PKN2: variants seen among roughly 807,000 people sequenced by gnomAD.
PKN2 encodes serine/threonine-protein kinase N2.
PKN2 carries 38 observed loss-of-function variants against 119.1 expected under a neutral mutation model. The observed-to-expected ratio is 0.32, with a 90% confidence interval of 0.25 to 0.42. The LOEUF is 0.42. PKN2 is among the 10% of genes least tolerant of loss of function. PKN2 has a pLI of 1.00. For missense variants in PKN2, 850 were observed against 1,165.1 expected (o/e 0.73, Z 3.94); for synonymous variants, 390 against 384.9 (o/e 1.01, Z -0.15).
chr1:88,731,486 G>A (rs1037809521), intron 1 of PKN2, among the ~76,000 whole-genome samples: 5 of 152,140 alleles, frequency 3.3e-5, no homozygotes, highest in Non-Finnish European at 5.9e-5. Context: ...AAATAAAAAC[G>A]CAATTTACCA....
intron 2 of PKN2, among the ~76,000 whole-genome samples, chr1:88,758,952 G>A (rs564446684): frequency 6.4e-4 from 97 of 152,254 alleles, no homozygotes; most frequent in Middle Eastern, 3.4e-3. Context: ...TGGTCTTTGC[G>A]GAATCTCCAC....
chr1:88,795,787 A>C (rs764521057), intron 8 of PKN2, among the ~76,000 whole-genome samples: 1 of 152,184 alleles, frequency 6.6e-6, no homozygotes, highest in Non-Finnish European at 1.5e-5. Flanking sequence ...TTTCTAGTCT[A>C]TCCTTTTGGC....
chr1:88,698,447 A>G (rs1278556298), intron 1 of PKN2, among the ~76,000 whole-genome samples: 1 of 152,250 alleles, frequency 6.6e-6, no homozygotes, highest in Non-Finnish European at 1.5e-5. Flanking sequence ...CTTTGATAAA[A>G]GCTAGCACAT....
At chr1:88,776,107 C>CA (rs61540217) in intron 6 of PKN2, among the ~76,000 whole-genome samples, 8,931 of 93,484 alleles carry the variant, frequency 0.096, 764 homozygotes, top group African/African-American at 0.26. Context: ...GACTCCGTCT[C>CA]AAAAAAAAAA....
intron 1 of PKN2, among the ~76,000 whole-genome samples, chr1:88,705,779 G>A (rs1196086889): frequency 6.6e-6 from 1 of 151,916 alleles, no homozygotes; most frequent in Non-Finnish European, 1.5e-5. Context: ...ATATATGTGT[G>A]CGACAATTTC....
chr1:88,804,695 A>G (rs1159643911), intron 9 of PKN2, 151 bp from the exon 10 acceptor site: 7 of 757,194 alleles, frequency 9.2e-6, no homozygotes, highest in East Asian at 5.3e-5. Context: ...AGACAAATCA[A>G]TTATTCTTCC....
intron 17 of PKN2, among the ~76,000 whole-genome samples, chr1:88,823,403 TAA>T (rs1180145217): frequency 1.3e-5 from 2 of 152,014 alleles, no homozygotes; most frequent in East Asian, 3.9e-4. Flanking sequence ...AAGCAAACTT[TAA>T]AACTGGATTA....
intron 1 of PKN2, among the ~76,000 whole-genome samples, chr1:88,716,490 A>G (rs1416505288): frequency 6.6e-6 from 1 of 152,236 alleles, no homozygotes; most frequent in Non-Finnish European, 1.5e-5. Context: ...TATTGGGTGC[A>G]TATATATTTA....
At chr1:88,807,473 A>G (rs1375902212) in intron 13 of PKN2, 30 bp downstream of exon 13, 3 of 1,605,496 alleles carry the variant, frequency 1.9e-6, no homozygotes, top group Non-Finnish European at 2.5e-6. Flanking sequence ...TTTTGCGACT[A>G]CATGTTTGGT....
At chr1:88,697,358 C>G (rs1015970350) in intron 1 of PKN2, among the ~76,000 whole-genome samples, 2 of 152,148 alleles carry the variant, frequency 1.3e-5, no homozygotes, top group African/African-American at 4.8e-5. Context: ...CCTGACTTCT[C>G]TAAATTTCCA....
intron 12 of PKN2, 90 bp downstream of exon 12, chr1:88,806,107 A>C: frequency 1.8e-6 from 2 of 1,128,804 alleles, no homozygotes; most frequent in African/African-American, 1.5e-5. Context: ...CTTTCCATTT[A>C]AAATTGCCAC....
intron 8 of PKN2, among the ~76,000 whole-genome samples, chr1:88,792,499 G>A (rs1670885890): frequency 6.6e-6 from 1 of 152,252 alleles, no homozygotes; most frequent in Admixed American, 6.5e-5. Context: ...TGACCCTTGA[G>A]CAACGCAGGG....
Position 88,836,002 on chromosome 1 carries a change from T to A in PKN2, c.*2554T>A, listed in dbSNP as rs1019890887. The A allele has an allele frequency of 2.6e-5, 4 of 152,116 alleles. No individual in the cohort carries two copies. Among genetic ancestry groups the A allele is most frequent in the Non-Finnish European group, 5.9e-5 (4 of 67,972 alleles). 9.4% of individuals were successfully genotyped at this position (152,116 alleles called of 1,614,324 possible). On this transcript the variant is annotated 3_prime_UTR_variant, in exon 22 of 22. Coordinates refer to ENST00000370521, the MANE Select transcript of PKN2 (RefSeq NM_006256.4). The stretch of plus-strand genomic sequence containing the variant: ...TTCATTGGGAATAATGGGAAAAGTT[T>A]GTATTCTGCTCCTGTAAGGTCAGTA...
intron 16 of PKN2, among the ~76,000 whole-genome samples, chr1:88,814,442 T>TTA (rs1671904685): frequency 6.6e-6 from 1 of 152,166 alleles, no homozygotes; most frequent in Admixed American, 6.5e-5. Flanking sequence ...AAAGTGATAT[T>TTA]AATACCTACA....
rs544021965 is a variant in PKN2 at position 88,771,686 on chromosome 1, A to C, written c.792A>C (p.Ser264=). The change falls in exon 6 of 22, where the codon TCA becomes TCC. Residue 264 remains serine, a synonymous_variant. Coordinates refer to ENST00000370521, the MANE Select transcript of PKN2 (RefSeq NM_006256.4). ...LSEAQARFNE[S]SQKLDLLKYS... is the part of the protein sequence containing the mutation. ...AGGCTCAAGCAAGATTTAATGAATCAAGTCAGAAGTTGGACCTTTTAAAGT... is the reference window on the plus strand; with the variant it reads ...AGGCTCAAGCAAGATTTAATGAATCCAGTCAGAAGTTGGACCTTTTAAAGT... 1.7e-5 allele frequency: 28 copies of C among 1,613,894 alleles called. No individual in the cohort carries two copies. In the East Asian group the frequency reaches 5.8e-4, roughly 33 times the overall value.
intron 8 of PKN2, among the ~76,000 whole-genome samples, chr1:88,790,307 A>C (rs527793317): frequency 1.1e-4 from 16 of 152,324 alleles, no homozygotes; most frequent in African/African-American, 3.8e-4. Context: ...TGAATGAAAT[A>C]AAGTTTTAGA....
At chr1:88,776,200 T>TC (rs1248920240) in intron 6 of PKN2, among the ~76,000 whole-genome samples, 4,931 of 77,028 alleles carry the variant, frequency 0.064, 526 homozygotes, top group African/African-American at 0.24. Context: ...TCTCCCTCCC[T>TC]CCCCCTCCCC....
At chr1:88,716,597 C>T (rs1416364224) in intron 1 of PKN2, among the ~76,000 whole-genome samples, 1 of 152,144 alleles carries the variant, frequency 6.6e-6, no homozygotes, top group Non-Finnish European at 1.5e-5. Flanking sequence ...TCTGTTTTAT[C>T]AGAGACGAGG....
chr1:88,739,309 C>G (rs1668483468), intron 1 of PKN2, among the ~76,000 whole-genome samples: 1 of 74,578 alleles, frequency 1.3e-5, no homozygotes, highest in Non-Finnish European at 2.4e-5. Context: ...CCATCTCTAC[C>G]AGAAAAAAAA....
Sources: allele counts gnomAD v4.1 joint callset (sites outside exome capture counted in the v4.1 genomes callset), GRCh38; gene constraint gnomAD v4.1.1; transcripts MANE v1.5; gene names NCBI Gene and HGNC (gene_info 2026-07-23, HGNC 2026-07-21).